The following ELP4 variants were observed in gnomAD, a reference collection of about 807,000 sequenced individuals.
ELP4 encodes elongator acetyltransferase complex subunit 4, also known as elongator complex protein 4.
In ELP4, 51 loss-of-function variants were observed where a neutral mutation model predicts 48.9. That is an observed-to-expected ratio of 1.04 (90% confidence interval 0.83 to 1.32). The LOEUF (loss-of-function observed/expected upper bound fraction) is 1.32. Among genes scored for constraint, ELP4 ranks in the 40% most tolerant of loss-of-function variants. The pLI is 0.00. For synonymous variants in ELP4, 210 were observed against 189.2 expected (o/e 1.11, Z -0.90); for missense variants, 519 against 514.6 (o/e 1.01, Z -0.08).
chr11:31,777,934 A>T (rs1236751286), intron 9 of ELP4, among the ~76,000 whole-genome samples: 5 of 152,252 alleles, frequency 3.3e-5, no homozygotes, highest in Non-Finnish European at 5.9e-5. Flanking sequence ...AGCAGTTCAG[A>T]ATACAAACTG....
chr11:31,749,928 T>C (rs1411096748), intron 9 of ELP4, among the ~76,000 whole-genome samples: 1 of 151,568 alleles, frequency 6.6e-6, no homozygotes, highest in African/African-American at 2.4e-5. Flanking sequence ...TGATCTCGGC[T>C]CACTGCAAGC....
chr11:31,551,769 C>T (rs754107321), intron 3 of ELP4, among the ~76,000 whole-genome samples: 1 of 152,078 alleles, frequency 6.6e-6, no homozygotes, highest in Non-Finnish European at 1.5e-5. Context: ...TGTTCAAGTA[C>T]AATTCTGCTG....
At chr11:31,590,242 CTA>C (rs139065545) in intron 3 of ELP4, among the ~76,000 whole-genome samples, 2 of 151,424 alleles carry the variant, frequency 1.3e-5, no homozygotes, top group Non-Finnish European at 3.0e-5. Context: ...AGAGCAAGTA[CTA>C]TATATATATA....
chr11:31,774,986 T>C (rs1022650287), intron 9 of ELP4, among the ~76,000 whole-genome samples: 4 of 152,148 alleles, frequency 2.6e-5, no homozygotes, highest in African/African-American at 9.7e-5. Flanking sequence ...CCTCAGCAAA[T>C]AGCTTCCATT....
intron 9 of ELP4, among the ~76,000 whole-genome samples, chr11:31,733,804 C>G (rs1240051477): frequency 1.3e-5 from 2 of 152,092 alleles, no homozygotes; most frequent in African/African-American, 4.8e-5. Flanking sequence ...GAATTAATGC[C>G]AATTCTTCTC....
At chr11:31,772,120 CTTTTTTTTTT>C (rs11406554) in intron 9 of ELP4, among the ~76,000 whole-genome samples, 1 of 132,148 alleles carries the variant, frequency 7.6e-6, no homozygotes, top group Non-Finnish European at 1.6e-5. Context: ...TTATTTTCTT[CTTTTTTTTTT>C]TTTTTTTTAG....
intron 7 of ELP4, among the ~76,000 whole-genome samples, chr11:31,635,926 T>C (rs528331343): frequency 5.9e-5 from 9 of 152,076 alleles, no homozygotes; most frequent in African/African-American, 2.2e-4. Context: ...GAGGCATAGA[T>C]AAAGTCAGTT....
chr11:31,645,203 G>A lies in ELP4; in HGVS notation c.928-2538G>A, dbSNP rs1292890844. On this transcript the variant is annotated intron_variant, in intron 7 of 9. Transcript: ENST00000640961. The stretch of plus-strand genomic sequence containing the variant: ...TGTGAAACTTAGAAATATAATAAAT[G>A]AAATACATGAATGAGTTTCTGGAAA... Among the ~76,000 whole-genome samples, 9 of 151,764 alleles carry A rather than the reference G, an allele frequency of 5.9e-5. No homozygotes were observed. In the South Asian group the frequency reaches 1.7e-3, roughly 28 times the overall value.
chr11:31,715,440 A>C (rs1411788082), intron 9 of ELP4, among the ~76,000 whole-genome samples: 1 of 152,244 alleles, frequency 6.6e-6, no homozygotes, highest in Non-Finnish European at 1.5e-5. Flanking sequence ...GGAAAAATGT[A>C]GGTAGCTTCC....
At position 31,720,173 on chromosome 11, in the gene ELP4, T is replaced by C. The variant is rs1337916899; in HGVS notation, c.1144-63220T>C. Among the ~76,000 whole-genome samples the C allele has an allele frequency of 2.6e-5, 4 of 152,142 alleles. No individual in the cohort carries two copies. The East Asian group carries it at 5.8e-4, about 22-fold the overall frequency. ...CTGCAGAAACCTTTAAGATAAATAA[T>C]TGTAATTAACACAGCCTTGGCACTG... is the stretch of plus-strand genomic sequence containing the variant. On this transcript the variant is annotated intron_variant, in intron 9 of 9. Transcript: ENST00000640961.
chr11:31,666,004 C>CTTTTTT (rs35902758), intron 9 of ELP4, among the ~76,000 whole-genome samples: 80 of 85,330 alleles, frequency 9.4e-4, no homozygotes, highest in African/African-American at 1.2e-3. Flanking sequence ...GTTTCAAATT[C>CTTTTTT]TTTTTTTTTT....
intron 9 of ELP4, chr11:31,707,257 G>T: frequency 2.8e-6 from 1 of 353,034 alleles, no homozygotes; most frequent in Non-Finnish European, 5.0e-6. Context: ...GTATATATAT[G>T]AAATAAAACC....
intron 9 of ELP4, among the ~76,000 whole-genome samples, chr11:31,735,554 A>C (rs1045300336): frequency 5.3e-5 from 8 of 152,172 alleles, no homozygotes; most frequent in Non-Finnish European, 1.2e-4. Context: ...TGCAGATGAC[A>C]TGATTGTATA....
intron 6 of ELP4, chr11:31,628,269 A>G (rs1232590381): frequency 6.6e-6 from 1 of 152,096 alleles, no homozygotes. Flanking sequence ...TTGGTCCCTG[A>G]CAGACACCTA....
At chr11:31,687,333 C>T (rs147481696) in intron 9 of ELP4, among the ~76,000 whole-genome samples, 28 of 152,150 alleles carry the variant, frequency 1.8e-4, no homozygotes, top group Non-Finnish European at 3.8e-4. Context: ...TGTTTAGATT[C>T]AGAAGAGAAG....
intron 9 of ELP4, chr11:31,662,555 G>T (rs933230260): frequency 7.5e-6 from 3 of 397,694 alleles, no homozygotes; most frequent in African/African-American, 6.2e-5. Flanking sequence ...CTTACGACCT[G>T]CGAAGGCAAA....
intron 2 of ELP4, among the ~76,000 whole-genome samples, chr11:31,525,811 A>G (rs1467513014): frequency 1.3e-5 from 2 of 152,142 alleles, no homozygotes; most frequent in Non-Finnish European, 2.9e-5. Context: ...AGCCAAATCT[A>G]TCATGCTTTA....
chr11:31,553,518 G>C (rs1254427158), intron 3 of ELP4, among the ~76,000 whole-genome samples: 1 of 151,954 alleles, frequency 6.6e-6, no homozygotes, highest in Non-Finnish European at 1.5e-5. Context: ...TGAAACATCA[G>C]CTCTTCCTGG....
chr11:31,553,217 A>G (rs796579443), intron 3 of ELP4, among the ~76,000 whole-genome samples: 60 of 152,324 alleles, frequency 3.9e-4, no homozygotes, highest in African/African-American at 1.4e-3. Flanking sequence ...ATTGCTTATT[A>G]CAGTGGATGA....
Sources: allele counts gnomAD v4.1 joint callset (sites outside exome capture counted in the v4.1 genomes callset), GRCh38; gene constraint gnomAD v4.1.1; transcripts MANE v1.5; gene names NCBI Gene and HGNC (gene_info 2026-07-23, HGNC 2026-07-21).